KIAA1549L: variants seen among roughly 807,000 people sequenced by gnomAD.
The protein encoded by KIAA1549L is KIAA1549 like.
In KIAA1549L, 88 loss-of-function variants were observed where a neutral mutation model predicts 160.7. The observed-to-expected ratio is 0.55, with a 90% confidence interval of 0.46 to 0.65. The LOEUF is 0.65. Ranked by LOEUF, KIAA1549L falls within the 30% of genes least tolerant of loss-of-function variation. The probability of loss-of-function intolerance (pLI) is 0.00; values close to 1 mark genes in which losing one functional copy is unlikely to be tolerated. For missense variants in KIAA1549L, 2,258 were observed against 2,437.5 expected (o/e 0.93, Z 1.55); for synonymous variants, 950 against 976.7 (o/e 0.97, Z 0.51).
At chr11:33,582,353 G>A (rs1046600772) in intron 10 of KIAA1549L, among the ~76,000 whole-genome samples, 3 of 152,170 alleles carry the variant, frequency 2.0e-5, no homozygotes, top group Non-Finnish European at 4.4e-5. Flanking sequence ...GTCTCACCAC[G>A]TGGCACTTAC....
At chr11:33,492,224 TG>T (rs1192297904) in intron 1 of KIAA1549L, among the ~76,000 whole-genome samples, 1 of 152,072 alleles carries the variant, frequency 6.6e-6, no homozygotes, top group Admixed American at 6.6e-5. Flanking sequence ...AAAAATTAGC[TG>T]GGCATGGTTG....
At chr11:33,544,744 CTT>C (rs1565178130) in intron 2 of KIAA1549L, 21 bp from the exon 3 acceptor site, 42 of 1,557,400 alleles carry the variant, frequency 2.7e-5, no homozygotes, top group Non-Finnish European at 2.0e-5. Context: ...CAATGACAAA[CTT>C]TGTTTTTTCT....
chr11:33,386,163 T>C (rs1850168864), intron 1 of KIAA1549L, among the ~76,000 whole-genome samples: 1 of 152,214 alleles, frequency 6.6e-6, no homozygotes. Context: ...ATCCTGGCAT[T>C]GGAGGGAAAT....
intron 1 of KIAA1549L, among the ~76,000 whole-genome samples, chr11:33,464,400 A>G (rs1204921915): frequency 6.6e-6 from 1 of 152,024 alleles, no homozygotes; most frequent in Non-Finnish European, 1.5e-5. Context: ...TCTCTCGCTT[A>G]TATCCTAGTG....
At position 33,660,924 on chromosome 11, in the gene KIAA1549L, C is replaced by T. The variant is rs758117864; in HGVS notation, c.6069C>T (p.Tyr2023=). Residue 2023 remains tyrosine (Y), a synonymous_variant, in exon 20 of 21, where the codon TAC becomes TAT. Transcript: ENST00000658780. ...CCAACAGACCTGGCTTCACCGGCTA[C>T]TTCATCCCAACGCCTCCCTCATCCT... ...PAANRPGFTG[Y]FIPTPPSSYR... 1.9e-6 allele frequency: 3 copies of T among 1,613,738 alleles called. No individual in the cohort carries two copies. The South Asian group carries it at 3.3e-5, about 18-fold the overall frequency.
chr11:33,485,019 C>G, intron 1 of KIAA1549L, among the ~76,000 whole-genome samples: 1 of 152,144 alleles, frequency 6.6e-6, no homozygotes, highest in Admixed American at 6.5e-5. Context: ...CCTTCATCCC[C>G]TGATTTTGAT....
intron 16 of KIAA1549L, among the ~76,000 whole-genome samples, chr11:33,640,763 A>G (rs1305782095): frequency 6.6e-6 from 1 of 152,226 alleles, no homozygotes; most frequent in East Asian, 1.9e-4. Flanking sequence ...CCATGAACAG[A>G]CATTCCTCGA....
At position 33,544,775 on chromosome 11, in the gene KIAA1549L, G is replaced by A; in HGVS notation, c.2782G>A (p.Val928Ile). The A allele has an allele frequency of 6.3e-7, 1 of 1,594,920 alleles. No individual in the cohort carries two copies. The highest frequency in any genetic ancestry group is 8.6e-7 in the Non-Finnish European group (1 of 1,167,620). ...TTTTTCTCTCTTTACAGCGGACACA[G>A]TATCATCTAAGGTACAGCCAACAGC... is the stretch of plus-strand genomic sequence containing the variant. Reference protein sequence around the residue: ...QHPKKWTADTVSSKVQPTAAA... With the variant: ...QHPKKWTADTISSKVQPTAAA... The change falls in exon 3 of 21, where the codon GTA becomes ATA. Residue 928 changes from valine to isoleucine, a missense_variant. Physicochemically the swap from Val to Ile is conservative, Grantham distance 29. Around this residue, in one of 6 missense-constraint regions of KIAA1549L, gnomAD observed 41 missense variants for 79.8 expected, o/e 0.51. Transcript: ENST00000658780.
intron 12 of KIAA1549L, among the ~76,000 whole-genome samples, chr11:33,597,797 A>C (rs1288559837): frequency 2.0e-5 from 3 of 152,114 alleles, no homozygotes; most frequent in South Asian, 4.1e-4. Flanking sequence ...ATGGGACAGC[A>C]AAGGGAAGGT....
intron 1 of KIAA1549L, among the ~76,000 whole-genome samples, chr11:33,392,779 G>C (rs185339532): frequency 2.7e-4 from 41 of 152,270 alleles, no homozygotes; most frequent in Admixed American, 8.5e-4. Flanking sequence ...TCTATCCTGC[G>C]TGTCTTGAAC....
At chr11:33,435,816 G>GTGTGTGTATATATATATATA (rs1554976827) in intron 1 of KIAA1549L, among the ~76,000 whole-genome samples, 33 of 39,554 alleles carry the variant, frequency 8.3e-4, no homozygotes, top group African/African-American at 4.8e-3. Context: ...ATATATGTGT[G>GTGTGTGTATATATATATATA]TGTATATATA....
At chr11:33,486,833 C>T (rs1253220174) in intron 1 of KIAA1549L, among the ~76,000 whole-genome samples, 2 of 152,140 alleles carry the variant, frequency 1.3e-5, no homozygotes, top group Non-Finnish European at 2.9e-5. Context: ...CATAGAAGCC[C>T]CACTGCTGAT....
chr11:33,498,227 C>T (rs770184854), intron 1 of KIAA1549L, among the ~76,000 whole-genome samples: 9 of 152,162 alleles, frequency 5.9e-5, no homozygotes, highest in Non-Finnish European at 1.2e-4. Flanking sequence ...CCCAGAAGGT[C>T]GAGGCCACCA....
chr11:33,654,163 G>A (rs558793586), intron 17 of KIAA1549L, among the ~76,000 whole-genome samples: 3 of 151,746 alleles, frequency 2.0e-5, no homozygotes, highest in Admixed American at 2.0e-4. Context: ...TAGTAGAGAC[G>A]GGGTTTCACC....
At chr11:33,548,933 C>A (rs1361572203) in intron 4 of KIAA1549L, among the ~76,000 whole-genome samples, 1 of 152,154 alleles carries the variant, frequency 6.6e-6, no homozygotes, top group African/African-American at 2.4e-5. Flanking sequence ...CATTGTCGAT[C>A]TCTTTTATAT....
chr11:33,413,823 T>G (rs970808469), intron 1 of KIAA1549L, among the ~76,000 whole-genome samples: 3 of 152,196 alleles, frequency 2.0e-5, no homozygotes, highest in African/African-American at 7.2e-5. Flanking sequence ...CGAGGTCCAG[T>G]GCTGCATCCG....
At chr11:33,398,111 G>A (rs1224455621) in intron 1 of KIAA1549L, among the ~76,000 whole-genome samples, 1 of 150,928 alleles carries the variant, frequency 6.6e-6, no homozygotes, top group African/African-American at 2.4e-5. Flanking sequence ...TAGTAGAGAC[G>A]GGGTTTCGCC....
At chr11:33,380,991 G>A (rs1415173175) in intron 1 of KIAA1549L, among the ~76,000 whole-genome samples, 2 of 151,792 alleles carry the variant, frequency 1.3e-5, no homozygotes, top group Non-Finnish European at 2.9e-5. Context: ...CAAAAACAAG[G>A]CCTGTTCTCA....
intron 9 of KIAA1549L, among the ~76,000 whole-genome samples, chr11:33,572,099 T>A (rs1339809305): frequency 6.6e-6 from 1 of 151,996 alleles, no homozygotes; most frequent in Non-Finnish European, 1.5e-5. Flanking sequence ...TGCAGTGGTG[T>A]GAGCTCAGCT....
Sources: gnomAD v4.1 joint callset for allele counts (sites outside exome capture counted in the v4.1 genomes callset) on GRCh38, gnomAD v4.1.1 for gene constraint, gnomAD v4.1.1 regional missense constraint, MANE v1.5 for transcripts, NCBI Gene and HGNC (gene_info 2026-07-23, HGNC 2026-07-21) for gene names.